Variants in TMOD1 observed in about 807,000 individuals in gnomAD.
TMOD1 encodes the protein tropomodulin-1.
Under a neutral mutation model 40.6 loss-of-function variants are expected in TMOD1, and 17 were observed. That is an observed-to-expected ratio of 0.42 (90% CI 0.29 to 0.63). The LOEUF (loss-of-function observed/expected upper bound fraction) is 0.63, where lower values mean the gene tolerates loss of function less well. Ranked by LOEUF, TMOD1 falls within the 20% of genes least tolerant of loss-of-function variation. The probability of loss-of-function intolerance (pLI) is 0.22; values close to 1 mark genes in which losing one functional copy is unlikely to be tolerated. For missense variants in TMOD1, 391 were observed against 447.6 expected, an observed-to-expected ratio of 0.87 and a Z score of 1.14; for synonymous variants, 181 against 175.0, an observed-to-expected ratio of 1.03 and a Z score of -0.27.
intron 7 of TMOD1, among the ~76,000 whole-genome samples, chr9:97,567,837 T>A (rs10817780): frequency 0.21 from 32,449 of 151,990 alleles, 3,816 homozygotes; most frequent in South Asian, 0.42. Flanking sequence ...TCTCAGCAGG[T>A]CTCAGCAAGG....
rs756971603 is a variant in TMOD1, at chr9:97,565,869, A to C, written c.640A>C (p.Lys214Gln). The change falls in exon 7 of 10, where the codon AAG becomes CAG. Residue 214 changes from lysine to glutamine, a missense_variant. Coordinates refer to ENST00000259365, the MANE Select transcript of TMOD1 (RefSeq NM_003275.4). ...NIRNIPIPTLKAYAEALKENS... is the reference protein window; with the variant it reads ...NIRNIPIPTLQAYAEALKENS... ...GCAGAATATCCCCATCCCCACCCTCAAGGCATATGCAGAAGCCCTGAAAGA... is the reference window on the plus strand; with the variant it reads ...GCAGAATATCCCCATCCCCACCCTCCAGGCATATGCAGAAGCCCTGAAAGA... 1.2e-6 allele frequency: 2 copies of C among 1,614,000 alleles called. No individual in the cohort carries two copies. The highest frequency in any genetic ancestry group is 2.2e-5 in the South Asian group (2 of 91,054).
At chr9:97,590,644 T>C (rs971162986) in intron 8 of TMOD1, among the ~76,000 whole-genome samples, 19 of 152,166 alleles carry the variant, frequency 1.2e-4, no homozygotes, top group Non-Finnish European at 1.9e-4. Flanking sequence ...TGATTTTTTT[T>C]CTTTATATCT....
intron 1 of TMOD1, among the ~76,000 whole-genome samples, chr9:97,514,993 G>A (rs1403711569): frequency 6.6e-6 from 1 of 152,146 alleles, no homozygotes; most frequent in Non-Finnish European, 1.5e-5. Flanking sequence ...TGGGCTTCTT[G>A]TGCAGTACAC....
chr9:97,599,439 A>G (rs1826199986), intron 9 of TMOD1, among the ~76,000 whole-genome samples, 195 bp from the exon 10 acceptor site: 1 of 152,224 alleles, frequency 6.6e-6, no homozygotes, highest in Middle Eastern at 3.4e-3. Context: ...CCACTACCAC[A>G]GACCCTCATC....
chr9:97,597,037 GA>G (rs1261094657), intron 9 of TMOD1, among the ~76,000 whole-genome samples: 1 of 152,248 alleles, frequency 6.6e-6, no homozygotes, highest in East Asian at 1.9e-4. Flanking sequence ...ATATTTAAAT[GA>G]ATAGAAAGTG....
intron 8 of TMOD1, among the ~76,000 whole-genome samples, chr9:97,589,533 C>T (rs986274549): frequency 3.9e-5 from 6 of 152,130 alleles, no homozygotes; most frequent in Admixed American, 3.9e-4. Context: ...CCCGCCTCGG[C>T]CTCCCAAAGT....
At chr9:97,527,588 G>A (rs1830036626) in intron 2 of TMOD1, among the ~76,000 whole-genome samples, 1 of 151,716 alleles carries the variant, frequency 6.6e-6, no homozygotes, top group Non-Finnish European at 1.5e-5. Flanking sequence ...GAATCTTAGT[G>A]TGGTTTCTGT....
At chr9:97,590,587 C>T (rs1444627909) in intron 8 of TMOD1, among the ~76,000 whole-genome samples, 2 of 151,782 alleles carry the variant, frequency 1.3e-5, no homozygotes, top group African/African-American at 4.8e-5. Flanking sequence ...TGAACATCCT[C>T]ATCATATTCT....
chr9:97,514,145 T>A (rs953108680), intron 1 of TMOD1, among the ~76,000 whole-genome samples: 9 of 151,392 alleles, frequency 5.9e-5, no homozygotes, highest in Non-Finnish European at 1.2e-4. Flanking sequence ...CACAGCAACC[T>A]CTGTCTCCCA....
intron 2 of TMOD1, among the ~76,000 whole-genome samples, chr9:97,528,850 A>G (rs1228274903): frequency 6.6e-6 from 1 of 152,254 alleles, no homozygotes; most frequent in African/African-American, 2.4e-5. Flanking sequence ...TCTCTGTTAT[A>G]GTCCATATTC....
At position 97,565,933 on chromosome 9, in the gene TMOD1, G is replaced by T. The variant is rs778178598; in HGVS notation, c.704G>T (p.Arg235Leu). 1.2e-6 allele frequency: 2 copies of T among 1,614,014 alleles called. No homozygotes were observed. The highest frequency in any genetic ancestry group is 1.7e-5 in the Admixed American group (1 of 60,006). ...YVKKFSIVGT[R>L]SNDPVAYALA... is the part of the protein sequence containing the mutation. ...AAGAAGTTCAGCATCGTGGGGACAC[G>T]GAGTAATGACCCCGTGGCGTATGTA... is the stretch of plus-strand genomic sequence containing the variant. The change falls in exon 7 of 10, where the codon CGG becomes CTG. Residue 235 changes from arginine (R) to leucine (L), a missense_variant. Physicochemically the swap from Arg to Leu is moderately radical, Grantham distance 102. Coordinates refer to ENST00000259365, the MANE Select transcript of TMOD1 (RefSeq NM_003275.4).
intron 5 of TMOD1, among the ~76,000 whole-genome samples, chr9:97,563,304 C>T (rs1457431349): frequency 3.9e-5 from 6 of 152,202 alleles, no homozygotes; most frequent in African/African-American, 1.4e-4. Context: ...CCTCCTGCCT[C>T]AGCCTCCCAA....
intron 2 of TMOD1, among the ~76,000 whole-genome samples, chr9:97,530,545 T>C (rs916246303): frequency 6.6e-6 from 1 of 151,126 alleles, no homozygotes; most frequent in Non-Finnish European, 1.5e-5. Flanking sequence ...TGGAGTGCAG[T>C]GGCATGATCT....
At chr9:97,534,223 G>A (rs139809058) in intron 2 of TMOD1, among the ~76,000 whole-genome samples, 1 of 152,272 alleles carries the variant, frequency 6.6e-6, no homozygotes, top group East Asian at 1.9e-4. Context: ...AAAAGTGGAG[G>A]CTTTCTTTTA....
rs869250843 is a variant in TMOD1, at chr9:97,514,230, G to GT, written c.-48-9901dup. 2.9e-3 allele frequency among the ~76,000 whole-genome samples: 188 copies of GT among 65,252 alleles called. 1 individual carries two copies. The highest frequency in any genetic ancestry group is 4.7e-3 in the Non-Finnish European group (136 of 28,828). 42.8% of individuals were successfully genotyped at this position (65,252 alleles called of 152,430 possible). Reference sequence around the variant, plus strand: ...GTGCCCGCCACCACACCTGGCTAATGTTTTTTTTTTGGGGGGGGGGTTGTG... The same window carrying GT: ...GTGCCCGCCACCACACCTGGCTAATGTTTTTTTTTTTGGGGGGGGGGTTGTG... On this transcript the variant is annotated intron_variant, in intron 1 of 9. Coordinates refer to ENST00000259365, the MANE Select transcript of TMOD1 (RefSeq NM_003275.4).
intron 4 of TMOD1, among the ~76,000 whole-genome samples, chr9:97,561,064 G>T (rs567603813): frequency 6.6e-6 from 1 of 152,306 alleles, no homozygotes; most frequent in African/African-American, 2.4e-5. Context: ...GTGAAGCCAG[G>T]CTCTGGGTTT....
At chr9:97,581,751 A>G (rs371937095) in intron 8 of TMOD1, among the ~76,000 whole-genome samples, 2 of 151,922 alleles carry the variant, frequency 1.3e-5, no homozygotes, top group Non-Finnish European at 2.9e-5. Context: ...GCCAGTGATG[A>G]TGAGCATTTT....
chr9:97,536,920 T>A, intron 2 of TMOD1, among the ~76,000 whole-genome samples: 1 of 152,192 alleles, frequency 6.6e-6, no homozygotes, highest in Admixed American at 6.5e-5. Context: ...AATTCCTTGT[T>A]TTTTTGTCAC....
intron 1 of TMOD1, among the ~76,000 whole-genome samples, chr9:97,505,328 G>A (rs952495734): frequency 1.3e-5 from 2 of 152,154 alleles, no homozygotes; most frequent in African/African-American, 4.8e-5. Context: ...GTCCGTCCAC[G>A]CATGTCCATC....
Sources: gnomAD v4.1 joint callset for allele counts (sites outside exome capture counted in the v4.1 genomes callset) on GRCh38, gnomAD v4.1.1 for gene constraint, MANE v1.5 for transcripts, NCBI Gene and HGNC (gene_info 2026-07-23, HGNC 2026-07-21) for gene names.